TMEFF2: variants seen among roughly 807,000 people sequenced by gnomAD.
TMEFF2 encodes transmembrane protein with EGF like and two follistatin like domains 2.
Under a neutral mutation model 53.8 loss-of-function variants are expected in TMEFF2, and 28 were observed. The ratio of observed to expected loss-of-function variants is 0.52; its 90% CI spans 0.39 to 0.71. The LOEUF (loss-of-function observed/expected upper bound fraction) is 0.71. Ranked by LOEUF, TMEFF2 falls within the 30% of genes least tolerant of loss-of-function variation. TMEFF2 has a pLI of 0.00. For synonymous variants in TMEFF2, 162 were observed against 166.3 expected (o/e 0.97, Z 0.20); for missense variants, 353 against 455.2 (o/e 0.78, Z 2.04).
rs1357254038 is a variant in TMEFF2, at chr2:192,079,982, A to T, written c.440-22207T>A. On this transcript the variant is annotated intron_variant, in intron 4 of 9. Transcript: ENST00000272771. ...TTTCTATAACCAAAAGTATGCGGTG[A>T]TAGAATTGAGGCTGGCAGAGCAAAT... Among the ~76,000 whole-genome samples the T allele has an allele frequency of 2.6e-5, 4 of 152,206 alleles. No homozygotes were observed. In the East Asian group the frequency reaches 7.7e-4, roughly 29 times the overall value.
At chr2:192,130,974 C>T (rs1268734279) in intron 4 of TMEFF2, among the ~76,000 whole-genome samples, 2 of 151,954 alleles carry the variant, frequency 1.3e-5, no homozygotes, top group Middle Eastern at 3.4e-3. Flanking sequence ...TATTCACCCA[C>T]GTTTCAAGGG....
At chr2:192,167,725 G>A (rs1487673463) in intron 4 of TMEFF2, among the ~76,000 whole-genome samples, 1 of 152,128 alleles carries the variant, frequency 6.6e-6, no homozygotes, top group African/African-American at 2.4e-5. Flanking sequence ...TGAGGACAGG[G>A]GTAGGAGATC....
chr2:192,040,592 A>G (rs920097507), intron 5 of TMEFF2, among the ~76,000 whole-genome samples: 9 of 152,192 alleles, frequency 5.9e-5, no homozygotes, highest in African/African-American at 1.9e-4. Context: ...AAAGAAAGAG[A>G]AAAAAATGCC....
Position 192,069,398 on chromosome 2 carries a change from C to CA in TMEFF2, c.440-11624dup, listed in dbSNP as rs374313098. Among the ~76,000 whole-genome samples, 546 of 150,436 alleles carry CA rather than the reference C, an allele frequency of 3.6e-3. 4 individuals are homozygous for CA. The highest frequency in any genetic ancestry group is 0.012 in the African/African-American group (485 of 41,112). On this transcript the variant is annotated intron_variant, in intron 4 of 9. Coordinates refer to ENST00000272771, the MANE Select transcript of TMEFF2 (RefSeq NM_016192.4). ...ATACTTCATTTTAAATCATCACACA[C>CA]AAAAAAAATAGATAACAAGAAGAAA...
chr2:192,134,002 A>G (rs1477098417), intron 4 of TMEFF2, among the ~76,000 whole-genome samples: 1 of 152,196 alleles, frequency 6.6e-6, no homozygotes, highest in East Asian at 1.9e-4. Context: ...CCCACCCTGT[A>G]GCCTTTCTGT....
At chr2:192,038,463 T>TA (rs1198132249) in intron 5 of TMEFF2, among the ~76,000 whole-genome samples, 5 of 152,056 alleles carry the variant, frequency 3.3e-5, no homozygotes, top group Admixed American at 3.3e-4. Flanking sequence ...ATTTTTTTTT[T>TA]AAACCTTTCA....
At chr2:191,976,060 A>C (rs1251117713) in intron 7 of TMEFF2, among the ~76,000 whole-genome samples, 1 of 152,228 alleles carries the variant, frequency 6.6e-6, no homozygotes, top group East Asian at 1.9e-4. Context: ...TTGATATGTT[A>C]TCTAAGTCAA....
At chr2:192,118,737 G>T (rs951163746) in intron 4 of TMEFF2, among the ~76,000 whole-genome samples, 1 of 152,132 alleles carries the variant, frequency 6.6e-6, no homozygotes. Context: ...TGTCCATAAA[G>T]TAAGTAAATC....
At chr2:192,187,949 T>A (rs1238883495) in intron 2 of TMEFF2, among the ~76,000 whole-genome samples, 3 of 152,212 alleles carry the variant, frequency 2.0e-5, no homozygotes, top group Non-Finnish European at 2.9e-5. Context: ...TATGTATGAC[T>A]TATGTTTTAT....
intron 4 of TMEFF2, among the ~76,000 whole-genome samples, chr2:192,173,525 A>G (rs1340004548): frequency 6.6e-6 from 1 of 151,878 alleles, no homozygotes; most frequent in African/African-American, 2.4e-5. Context: ...TCTTGTAAGT[A>G]TACAGAATCT....
At chr2:191,953,605 C>A in intron 9 of TMEFF2, 74 bp downstream of exon 9, 7 of 1,541,558 alleles carry the variant, frequency 4.5e-6, no homozygotes, top group Non-Finnish European at 6.2e-6. Flanking sequence ...GAACTCACCT[C>A]GGAGGGATCT....
At chr2:192,020,828 T>C (rs573852476) in intron 5 of TMEFF2, among the ~76,000 whole-genome samples, 26 of 152,128 alleles carry the variant, frequency 1.7e-4, no homozygotes, top group Admixed American at 3.9e-4. Context: ...CAATTCAAAG[T>C]ATCAATTATA....
intron 4 of TMEFF2, among the ~76,000 whole-genome samples, chr2:192,171,622 T>C (rs1316909835): frequency 6.6e-6 from 1 of 152,036 alleles, no homozygotes; most frequent in Admixed American, 6.6e-5. Context: ...TTGATGTTCT[T>C]GGAATATCCC....
intron 4 of TMEFF2, among the ~76,000 whole-genome samples, chr2:192,068,623 T>C (rs1688218531): frequency 6.6e-6 from 1 of 151,880 alleles, no homozygotes; most frequent in African/African-American, 2.4e-5. Context: ...ACTAAAGTGC[T>C]ATTTTCTCTC....
At chr2:192,080,369 T>C (rs13426470) in intron 4 of TMEFF2, among the ~76,000 whole-genome samples, 18,175 of 151,964 alleles carry the variant, frequency 0.12, 1,344 homozygotes, top group East Asian at 0.36. Flanking sequence ...AAGGGGCTTA[T>C]CCCGCTTTGC....
intron 4 of TMEFF2, among the ~76,000 whole-genome samples, chr2:192,171,705 G>A (rs1016495414): frequency 2.0e-5 from 3 of 151,820 alleles, no homozygotes; most frequent in Non-Finnish European, 4.4e-5. Flanking sequence ...TCCCTCATCT[G>A]CAGGATTTGC....
intron 5 of TMEFF2, among the ~76,000 whole-genome samples, chr2:192,049,147 T>G (rs2105894342): frequency 2.0e-5 from 1 of 49,476 alleles, no homozygotes; most frequent in East Asian, 8.6e-4. Context: ...TAGATACATT[T>G]GGTCTATGTG....
At chr2:191,980,499 G>T (rs1685829723) in intron 7 of TMEFF2, among the ~76,000 whole-genome samples, 1 of 152,106 alleles carries the variant, frequency 6.6e-6, no homozygotes, top group African/African-American at 2.4e-5. Context: ...GAAGCAAGAA[G>T]AAAGGAAGAA....
chr2:192,170,544 G>C (rs1574432649), intron 4 of TMEFF2, among the ~76,000 whole-genome samples: 1 of 152,028 alleles, frequency 6.6e-6, no homozygotes, highest in East Asian at 1.9e-4. Flanking sequence ...AATCCAGTCA[G>C]ACAAATTACA....
Sources: gnomAD v4.1 joint callset for allele counts (sites outside exome capture counted in the v4.1 genomes callset) on GRCh38, gnomAD v4.1.1 for gene constraint, MANE v1.5 for transcripts, NCBI Gene and HGNC (gene_info 2026-07-23, HGNC 2026-07-21) for gene names.